The following CDRT4 variants were observed in gnomAD, a reference collection of about 807,000 sequenced individuals.
The protein encoded by CDRT4 is CMT1A duplicated region transcript 4 protein.
For missense variants in CDRT4, 167 were observed against 193.1 expected (o/e 0.87, Z 0.80); for synonymous variants, 64 against 69.6 (o/e 0.92, Z 0.40).
chr17:15,459,036 G>C (rs1355288964), intron 1 of CDRT4, among the ~76,000 whole-genome samples: 1 of 152,174 alleles, frequency 6.6e-6, no homozygotes, highest in Admixed American at 6.5e-5. Flanking sequence ...CAATTTTCAT[G>C]ATTTGCCTTG....
intron 1 of CDRT4, among the ~76,000 whole-genome samples, chr17:15,456,563 TACAC>T (rs3029212): frequency 1.8e-3 from 260 of 145,620 alleles, no homozygotes; most frequent in South Asian, 8.5e-3. Context: ...AATCTTCCTT[TACAC>T]ACACACACAC....
In CDRT4 at chr17:15,450,027, C is replaced by T. The variant is rs1979194421; in HGVS notation, c.-48+2977G>A. On this transcript the variant is annotated intron_variant, in intron 2 of 3. Coordinates refer to ENST00000619038, the MANE Select transcript of CDRT4 (RefSeq NM_001204477.2). The surrounding 1 kb of genome is among the most constrained non-coding windows in gnomAD (Gnocchi z 4.2). ...TAGTGCTGGGATAAACATATGAGTG[C>T]AGGTGTCTTTTTGATAAAATGATTT... Among the ~76,000 whole-genome samples, 1 of 152,180 alleles carries T rather than the reference C, an allele frequency of 6.6e-6. No individual in the cohort carries two copies. The highest frequency in any genetic ancestry group is 6.5e-5 in the Admixed American group (1 of 15,272).
chr17:15,458,436 C>A (rs530784739), intron 1 of CDRT4, among the ~76,000 whole-genome samples: 1 of 152,018 alleles, frequency 6.6e-6, no homozygotes, highest in African/African-American at 2.4e-5. Context: ...ACATTAGGAA[C>A]GTTCAAGGAG....
chr17:15,457,392 C>A (rs1372090450), intron 1 of CDRT4, among the ~76,000 whole-genome samples: 1 of 152,186 alleles, frequency 6.6e-6, no homozygotes, highest in Non-Finnish European at 1.5e-5. Context: ...ATGTGAAAGG[C>A]ACAAGTGCAG....
chr17:15,462,804 G>A (rs1979817515), intron 1 of CDRT4, among the ~76,000 whole-genome samples: 1 of 152,122 alleles, frequency 6.6e-6, no homozygotes, highest in African/African-American at 2.4e-5. Flanking sequence ...TGACCTCTGA[G>A]GATTAGAGAA....
intron 3 of CDRT4, chr17:15,439,139 A>G (rs766622813): frequency 4.4e-6 from 2 of 456,252 alleles, no homozygotes; most frequent in South Asian, 3.1e-5. Flanking sequence ...TCTCTCCTGC[A>G]GCTGCTACCT....
At position 15,450,226 on chromosome 17, in the gene CDRT4, G is replaced by T. The variant is rs554279768; in HGVS notation, c.-48+2778C>A. ...CCTCCTTCTCCTTCCATTGTAGGTT[G>T]TCTTTGTCTTGCCCGGCTTTGAGAA... On this transcript the variant is annotated intron_variant, in intron 2 of 3. Transcript: ENST00000619038. The surrounding 1 kb of genome is among the most constrained non-coding windows in gnomAD (Gnocchi z 4.2). Among the ~76,000 whole-genome samples the T allele has an allele frequency of 6.6e-6, 1 of 152,174 alleles. No individual in the cohort carries two copies. The highest frequency in any genetic ancestry group is 2.1e-4 in the South Asian group (1 of 4,818).
intron 2 of CDRT4, among the ~76,000 whole-genome samples, chr17:15,446,502 T>C (rs2150789110): frequency 6.6e-6 from 1 of 151,996 alleles, no homozygotes; most frequent in East Asian, 1.9e-4. Flanking sequence ...GGCATCTCTC[T>C]CCCTCTCCCT....
At chr17:15,443,902 G>A (rs74443276) in intron 2 of CDRT4, 16,176 of 640,916 alleles carry the variant, frequency 0.025, 252 homozygotes, top group Non-Finnish European at 0.033. Context: ...TACAAGTTGA[G>A]GTCTGTGTAT....
At chr17:15,439,047 T>G in intron 3 of CDRT4, 1 of 452,938 alleles carries the variant, frequency 2.2e-6, no homozygotes, top group Non-Finnish European at 4.4e-6. Context: ...CCTGTTCCTT[T>G]ACAGATCCAA....
At chr17:15,443,488 A>G (rs1022111804) in intron 2 of CDRT4, among the ~76,000 whole-genome samples, 2 of 135,714 alleles carry the variant, frequency 1.5e-5, no homozygotes, top group Non-Finnish European at 3.1e-5. Flanking sequence ...GGGTCTCGCT[A>G]TTTTGCCTGA....
At chr17:15,462,282 G>A (rs1179653863) in intron 1 of CDRT4, among the ~76,000 whole-genome samples, 1 of 151,938 alleles carries the variant, frequency 6.6e-6, no homozygotes, top group Non-Finnish European at 1.5e-5. Flanking sequence ...CAAAAAATTA[G>A]CCAGCCGTGG....
At chr17:15,451,404 T>A (rs1448975072) in intron 2 of CDRT4, among the ~76,000 whole-genome samples, 1 of 152,166 alleles carries the variant, frequency 6.6e-6, no homozygotes, top group African/African-American at 2.4e-5. Context: ...CAACTCCTTC[T>A]CCAAAGAGGA....
At chr17:15,459,395 C>T (rs903786650) in intron 1 of CDRT4, among the ~76,000 whole-genome samples, 21 of 150,838 alleles carry the variant, frequency 1.4e-4, no homozygotes, top group Non-Finnish European at 2.7e-4. Context: ...TGTCAAGGAA[C>T]GTATACAGCC....
chr17:15,462,194 C>T (rs536103953), intron 1 of CDRT4, among the ~76,000 whole-genome samples: 100 of 151,986 alleles, frequency 6.6e-4, no homozygotes, highest in African/African-American at 2.3e-3. Context: ...TTTGGGAGGC[C>T]GAGGCAGGCA....
chr17:15,448,223 C>T (rs1415452652), intron 2 of CDRT4, among the ~76,000 whole-genome samples: 1 of 152,084 alleles, frequency 6.6e-6, no homozygotes, highest in Non-Finnish European at 1.5e-5. Context: ...AGGTGACTTG[C>T]ATTTGAGATT....
In CDRT4 at chr17:15,438,040, T is replaced by A; in HGVS notation, c.192A>T (p.Ala64=). Residue 64 remains alanine, a synonymous_variant, in exon 4 of 4, where the codon GCA becomes GCT. Coordinates refer to ENST00000619038, the MANE Select transcript of CDRT4 (RefSeq NM_001204477.2). ...CMRALEERPW[A]SRQNKPSSVI... The stretch of plus-strand genomic sequence containing the variant: ...CGCTGGAAGGTTTATTCTGCCTTGA[T>A]GCCCAGGGTCTTTCCTCGAGGGCAC... 3 of 1,614,214 alleles carry A rather than the reference T, an allele frequency of 1.9e-6. No individual in the cohort carries two copies. The highest frequency in any genetic ancestry group is 2.5e-6 in the Non-Finnish European group (3 of 1,180,042).
At chr17:15,463,184 T>C (rs1284717109) in intron 1 of CDRT4, among the ~76,000 whole-genome samples, 6 of 151,940 alleles carry the variant, frequency 3.9e-5, no homozygotes, top group Admixed American at 2.6e-4. Flanking sequence ...ATCAGGCGTG[T>C]TGGGAAACAA....
intron 1 of CDRT4, among the ~76,000 whole-genome samples, chr17:15,466,314 A>C (rs888009944): frequency 5.3e-5 from 8 of 152,038 alleles, no homozygotes; most frequent in Non-Finnish European, 1.2e-4. Context: ...TCAGGCCTCC[A>C]GAAACACTGC....
Sources: allele counts gnomAD v4.1 joint callset (sites outside exome capture counted in the v4.1 genomes callset), GRCh38; gene constraint gnomAD v4.1.1; non-coding constraint Gnocchi (gnomAD v3.1); transcripts MANE v1.5; gene names NCBI Gene and HGNC (gene_info 2026-07-23, HGNC 2026-07-21).